Variants in RFX3 observed in about 807,000 individuals in gnomAD.
The protein encoded by RFX3 is regulatory factor X3.
A neutral mutation model predicts 98.6 loss-of-function variants in RFX3; 14 were observed. That is an observed-to-expected ratio of 0.14 (90% CI 0.09 to 0.22). RFX3 has a LOEUF of 0.22. RFX3 is among the 10% of genes least tolerant of loss of function. The pLI, the probability that RFX3 is intolerant of heterozygous loss-of-function variation, is 1.00. For missense variants in RFX3, 639 were observed against 926.9 expected (o/e 0.69, Z 4.03); for synonymous variants, 383 against 328.4 (o/e 1.17, Z -1.80).
chr9:3,247,296 G>C (rs941320856), intron 15 of RFX3: 3 of 987,020 alleles, frequency 3.0e-6, no homozygotes, highest in Non-Finnish European at 3.6e-6. Context: ...CCATTTTGAT[G>C]ACTATTCAGA....
At chr9:3,429,132 C>A (rs1385314926) in intron 1 of RFX3, among the ~76,000 whole-genome samples, 1 of 150,632 alleles carries the variant, frequency 6.6e-6, no homozygotes, top group Non-Finnish European at 1.5e-5. Flanking sequence ...ATGCCATTCT[C>A]CTGCCTCAGC....
At chr9:3,510,109 A>T (rs1817525496) in intron 1 of RFX3, among the ~76,000 whole-genome samples, 1 of 152,060 alleles carries the variant, frequency 6.6e-6, no homozygotes, top group African/African-American at 2.4e-5. Flanking sequence ...AATCTGCTGT[A>T]GTCCCATGGC....
intron 1 of RFX3, among the ~76,000 whole-genome samples, chr9:3,396,189 C>T (rs570346185): frequency 3.3e-5 from 5 of 152,014 alleles, no homozygotes; most frequent in Non-Finnish European, 5.9e-5. Context: ...TGCCTCCCCC[C>T]TCCCCTCCAC....
At chr9:3,450,390 T>G (rs1846476652) in intron 1 of RFX3, among the ~76,000 whole-genome samples, 1 of 152,122 alleles carries the variant, frequency 6.6e-6, no homozygotes, top group South Asian at 2.1e-4. Context: ...CTCTTTTTTT[T>G]GCTATTTTTT....
chr9:3,372,642 G>A (rs913690624), intron 2 of RFX3, among the ~76,000 whole-genome samples: 1 of 150,894 alleles, frequency 6.6e-6, no homozygotes, highest in Non-Finnish European at 1.5e-5. Context: ...CTGCCCCCCA[G>A]GTTTGAGAGA....
intron 15 of RFX3, chr9:3,247,255 G>GT (rs75396383): frequency 1 from 983,133 of 986,528 alleles, 489,949 homozygotes; most frequent in East Asian, 1. Flanking sequence ...ACCAGCCCTT[G>GT]TTATATTCAG....
intron 8 of RFX3, 26 bp downstream of exon 8, chr9:3,277,314 C>G (rs751957551): frequency 6.2e-7 from 1 of 1,608,914 alleles, no homozygotes; most frequent in Non-Finnish European, 8.5e-7. Flanking sequence ...CTAGTAGCAA[C>G]TAATATGCAT....
intron 1 of RFX3, among the ~76,000 whole-genome samples, chr9:3,502,340 G>C (rs1587872723): frequency 6.6e-6 from 1 of 151,940 alleles, no homozygotes; most frequent in South Asian, 2.1e-4. Context: ...ATACTGAAAT[G>C]AGCTGATTTT....
In RFX3 at chr9:3,514,680, C is replaced by T. The variant is rs892804215; in HGVS notation, c.-9+11067G>A. ...CCCACACTAGTCTTGAACTCCTGGG[C>T]TCAAGGGATTCTCCCATCTCAGCCT... On this transcript the variant is annotated intron_variant, in intron 1 of 16. Coordinates refer to ENST00000617270, the MANE Select transcript of RFX3 (RefSeq NM_001282116.2). Among the ~76,000 whole-genome samples, 4 of 152,158 alleles carry T rather than the reference C, an allele frequency of 2.6e-5. No individual in the cohort carries two copies. In the East Asian group the frequency reaches 5.8e-4, roughly 22 times the overall value.
At chr9:3,504,184 TATTA>T (rs1427855827) in intron 1 of RFX3, among the ~76,000 whole-genome samples, 2 of 101,032 alleles carry the variant, frequency 2.0e-5, no homozygotes, top group Admixed American at 2.4e-4. Flanking sequence ...ATATTATACA[TATTA>T]TATATTATAT....
intron 2 of RFX3, among the ~76,000 whole-genome samples, chr9:3,370,662 A>C (rs1195417905): frequency 6.6e-6 from 1 of 152,162 alleles, no homozygotes; most frequent in Non-Finnish European, 1.5e-5. Context: ...TAAACTGCAT[A>C]AATTGATATC....
chr9:3,407,200 G>T (rs1349749572), intron 1 of RFX3, among the ~76,000 whole-genome samples: 1 of 151,958 alleles, frequency 6.6e-6, no homozygotes, highest in African/African-American at 2.4e-5. Context: ...ATTTGAGCTT[G>T]GTAACATTCA....
At chr9:3,292,167 T>C (rs975149919) in intron 6 of RFX3, among the ~76,000 whole-genome samples, 1 of 150,714 alleles carries the variant, frequency 6.6e-6, no homozygotes, top group Non-Finnish European at 1.5e-5. Flanking sequence ...TAATGTTGTA[T>C]AGTACAGTAT....
At chr9:3,389,200 T>A (rs1840029584) in intron 2 of RFX3, among the ~76,000 whole-genome samples, 1 of 152,132 alleles carries the variant, frequency 6.6e-6, no homozygotes, top group South Asian at 2.1e-4. Flanking sequence ...TCCTTTGTCT[T>A]TCTCCTGGAT....
intron 14 of RFX3, among the ~76,000 whole-genome samples, chr9:3,248,476 A>T (rs539661087): frequency 2.0e-5 from 3 of 152,182 alleles, no homozygotes; most frequent in Non-Finnish European, 4.4e-5. Context: ...CTCACAAATA[A>T]ATCAGAATTG....
At chr9:3,466,212 C>CA (rs1848201983) in intron 1 of RFX3, among the ~76,000 whole-genome samples, 1 of 151,968 alleles carries the variant, frequency 6.6e-6, no homozygotes, top group Non-Finnish European at 1.5e-5. Context: ...ATCTTGGCAA[C>CA]AAATAATTTT....
chr9:3,501,693 A>G (rs1431163821), intron 1 of RFX3, among the ~76,000 whole-genome samples: 1 of 150,706 alleles, frequency 6.6e-6, no homozygotes, highest in African/African-American at 2.4e-5. Flanking sequence ...AGTAGCTGGG[A>G]TTACAAGGCA....
chr9:3,249,126 T>G (rs560540738), intron 14 of RFX3, among the ~76,000 whole-genome samples: 4 of 152,150 alleles, frequency 2.6e-5, no homozygotes, highest in Non-Finnish European at 5.9e-5. Context: ...AAAACAACCA[T>G]TGTATTCTCA....
At chr9:3,366,377 G>A (rs1272399941) in intron 2 of RFX3, among the ~76,000 whole-genome samples, 1 of 152,164 alleles carries the variant, frequency 6.6e-6, no homozygotes, top group Admixed American at 6.5e-5. Context: ...GTATACGTGT[G>A]TGTCTGCACA....
Sources: allele counts gnomAD v4.1 joint callset (sites outside exome capture counted in the v4.1 genomes callset), GRCh38; gene constraint gnomAD v4.1.1; transcripts MANE v1.5; gene names NCBI Gene and HGNC (gene_info 2026-07-23, HGNC 2026-07-21).